RNF41: variants seen among roughly 807,000 people sequenced by gnomAD.
RNF41 encodes ring finger protein 41.
Under a neutral mutation model 33.0 loss-of-function variants are expected in RNF41, and 4 were observed. The ratio of observed to expected loss-of-function variants is 0.12; its 90% CI spans 0.06 to 0.28. The LOEUF is 0.28. Among genes scored for constraint, RNF41 ranks in the 10% least tolerant of loss-of-function variants. The pLI is 1.00. For synonymous variants in RNF41, 164 were observed against 153.2 expected (o/e 1.07, Z -0.52); for missense variants, 228 against 432.6 (o/e 0.53, Z 4.19).
chr12:56,217,978 G>C (rs1478829413), intron 1 of RNF41, among the ~76,000 whole-genome samples: 3 of 152,096 alleles, frequency 2.0e-5, no homozygotes, highest in Non-Finnish European at 4.4e-5. Context: ...TTTCGAGATA[G>C]AGTCTCGCTC....
intron 1 of RNF41, among the ~76,000 whole-genome samples, chr12:56,217,422 C>G (rs1386150469): frequency 6.6e-6 from 1 of 152,042 alleles, no homozygotes; most frequent in Non-Finnish European, 1.5e-5. Flanking sequence ...TGGCAGATGC[C>G]TGTAATCCCA....
At chr12:56,210,257 T>C in intron 4 of RNF41, 40 bp downstream of exon 4, 1 of 1,595,124 alleles carries the variant, frequency 6.3e-7, no homozygotes, top group Non-Finnish European at 8.6e-7. Context: ...ATAAATGAGA[T>C]GGCCCTTATC....
In RNF41 at chr12:56,210,240, CAG is replaced by C; in HGVS notation, c.362+55_362+56del. ...AGCTAGTGAGGAGGGCAGCCAGAGA[CAG>C]GGGCATAAATGAGATGGCCCTTATC... is the stretch of plus-strand genomic sequence containing the variant. On this transcript the variant is annotated intron_variant, in intron 4 of 6. Transcript: ENST00000345093. The C allele has an allele frequency of 4.4e-6, 7 of 1,578,250 alleles. No homozygotes were observed. The South Asian group carries it at 6.8e-5, about 15-fold the overall frequency.
chr12:56,209,155 G>A (rs554965912), intron 4 of RNF41, among the ~76,000 whole-genome samples: 4 of 152,136 alleles, frequency 2.6e-5, no homozygotes, highest in South Asian at 2.1e-4. Flanking sequence ...GTGAGCCACC[G>A]CACGGGGCCT....
At chr12:56,209,956 G>T in intron 4 of RNF41, 1 of 295,906 alleles carries the variant, frequency 3.4e-6, no homozygotes, top group East Asian at 6.9e-5. Context: ...AAAAAATAGG[G>T]CAAGAGGAAA....
intron 1 of RNF41, among the ~76,000 whole-genome samples, chr12:56,218,708 T>C (rs1382184446): frequency 1.3e-5 from 2 of 148,796 alleles, no homozygotes; most frequent in African/African-American, 4.9e-5. Flanking sequence ...TATATATATA[T>C]GTTATTTTTT....
chr12:56,215,459 G>A (rs1868808532), intron 2 of RNF41, among the ~76,000 whole-genome samples: 1 of 152,036 alleles, frequency 6.6e-6, no homozygotes, highest in Non-Finnish European at 1.5e-5. Flanking sequence ...GGTGGCTCAT[G>A]CCTGTAATCC....
At chr12:56,217,585 T>C (rs912812151) in intron 1 of RNF41, among the ~76,000 whole-genome samples, 4 of 152,146 alleles carry the variant, frequency 2.6e-5, no homozygotes, top group Non-Finnish European at 5.9e-5. Context: ...TAATACATTA[T>C]GTGTACAGGA....
At chr12:56,208,927 C>T (rs775582891) in intron 4 of RNF41, among the ~76,000 whole-genome samples, 5 of 136,374 alleles carry the variant, frequency 3.7e-5, no homozygotes, top group East Asian at 2.2e-4. Flanking sequence ...TGCAATGGCA[C>T]GGTCTCAGCT....
intron 3 of RNF41, among the ~76,000 whole-genome samples, chr12:56,211,917 A>T (rs916291599): frequency 3.3e-5 from 5 of 152,248 alleles, no homozygotes; most frequent in Middle Eastern, 3.4e-3. Flanking sequence ...GCTTGCAGTG[A>T]GCCAAGATCA....
chr12:56,206,882 C>T lies in RNF41; in HGVS notation c.603-84G>A. The T allele has an allele frequency of 9.6e-7, 1 of 1,038,762 alleles. No homozygotes were observed. Among genetic ancestry groups the T allele is most frequent in the Non-Finnish European group, 1.4e-6 (1 of 720,968 alleles). 64.3% of individuals were successfully genotyped at this position (1,038,762 alleles called of 1,614,324 possible). A position where few individuals can be genotyped will look rare whatever the true frequency, so the allele number is the denominator to read the frequency against. On this transcript the variant is annotated intron_variant, in intron 6 of 6. Coordinates refer to ENST00000345093, the MANE Select transcript of RNF41 (RefSeq NM_005785.4). The surrounding 1 kb of genome is among the most constrained non-coding windows in gnomAD (Gnocchi z 5.7). ...TTTTCTGCTAATAGAAATAACTACC[C>T]ACTCTGCACTCAGCTTACCTATTCT...
intron 3 of RNF41, among the ~76,000 whole-genome samples, chr12:56,212,086 G>A (rs1385217601): frequency 6.6e-6 from 1 of 152,214 alleles, no homozygotes; most frequent in African/African-American, 2.4e-5. Flanking sequence ...TTCAAGACCA[G>A]ACTGGCCAAC....
At position 56,202,864 on chromosome 12, in the gene RNF41, A is replaced by G. The variant is rs2135793660; in HGVS notation, c.*3583T>C. 1 of 152,334 alleles carries G rather than the reference A, an allele frequency of 6.6e-6. No individual in the cohort carries two copies. Among genetic ancestry groups the G allele is most frequent in the African/African-American group, 2.4e-5 (1 of 41,574 alleles). 9.4% of individuals were successfully genotyped at this position (152,334 alleles called of 1,614,324 possible). A position where few individuals can be genotyped will look rare whatever the true frequency, so the allele number is the denominator to read the frequency against. ...ATCGTATCTTCTGTAAAAGGACAAT[A>G]TGACACCATTCATAACATTCACAAG... On this transcript the variant is annotated 3_prime_UTR_variant, in exon 7 of 7. Transcript: ENST00000345093.
chr12:56,213,061 G>T (rs564297338), intron 3 of RNF41: 505 of 1,289,632 alleles, frequency 3.9e-4, no homozygotes, highest in Non-Finnish European at 4.0e-4. Flanking sequence ...GTCTGGCAAG[G>T]CTGGCAGAGA....
In RNF41 at chr12:56,210,310, C is replaced by G; in HGVS notation, c.349G>C (p.Glu117Gln). The G allele has an allele frequency of 6.2e-7, 1 of 1,613,362 alleles. No homozygotes were observed. The highest frequency in any genetic ancestry group is 8.5e-7 in the Non-Finnish European group (1 of 1,179,348). Residue 117 changes from glutamate to glutamine, a missense_variant, in exon 4 of 7, where the codon GAA becomes CAA. This residue lies in a region of RNF41 where 199 missense variants were observed against 334.6 expected (regional missense o/e 0.59). Coordinates refer to ENST00000345093, the MANE Select transcript of RNF41 (RefSeq NM_005785.4). ...AACAAATCTCACCCACAGCCCTGTT[C>G]ACAGGTCACAGGCCGCTTCGGGTTG... is the stretch of plus-strand genomic sequence containing the variant. ...EHNPKRPVTC[E>Q]QGCGLEMPKD...
At position 56,208,194 on chromosome 12, in the gene RNF41, G is replaced by A. The variant is rs764057481; in HGVS notation, c.467C>T (p.Ser156Leu). 5 of 1,614,092 alleles carry A rather than the reference G, an allele frequency of 3.1e-6. No homozygotes were observed. The African/African-American group carries it at 6.7e-5, about 22-fold the overall frequency. The stretch of plus-strand genomic sequence containing the variant: ...CGCCAGCTGGTGTTTGTGTTCAGCT[G>A]ACGTCTTCTCCAGCTCTGCGATGCG... Reference protein sequence around the residue: ...QTRIAELEKTSAEHKHQLAEQ... With the variant: ...QTRIAELEKTLAEHKHQLAEQ... The change falls in exon 5 of 7, where the codon TCA (serine) becomes TTA (leucine). Residue 156 changes from serine to leucine, a missense_variant. Physicochemically the swap from Ser to Leu is moderately radical, Grantham distance 145. This residue lies in a region of RNF41 where 199 missense variants were observed against 334.6 expected (regional missense o/e 0.59). Transcript: ENST00000345093.
At chr12:56,219,792 A>G (rs962193198) in intron 1 of RNF41, among the ~76,000 whole-genome samples, 1 of 151,648 alleles carries the variant, frequency 6.6e-6, no homozygotes, top group African/African-American at 2.4e-5. Flanking sequence ...AAGTGAGTGG[A>G]TCACCTGAGT....
At position 56,206,981 on chromosome 12, in the gene RNF41, G is replaced by A. The variant is rs1210630717; in HGVS notation, c.603-183C>T. On this transcript the variant is annotated intron_variant, in intron 6 of 6. Transcript: ENST00000345093. This position sits in a 1 kb window ranked among gnomAD's most constrained non-coding sequence, Gnocchi z 5.7. ...CTTGGTCCCAACTGAGTCACCACAT[G>A]TTACTCACCAGATTAAATTCCACAA... 6.6e-6 allele frequency among the ~76,000 whole-genome samples: 1 copy of A among 152,064 alleles called. No individual in the cohort carries two copies. Among genetic ancestry groups the A allele is most frequent in the Non-Finnish European group, 1.5e-5 (1 of 68,018 alleles).
intron 3 of RNF41, chr12:56,212,867 G>T: frequency 3.0e-6 from 2 of 672,052 alleles, no homozygotes; most frequent in Non-Finnish European, 2.3e-6. Flanking sequence ...TGGAAAATGT[G>T]ATAATCTCTA....
Sources: allele counts gnomAD v4.1 joint callset (sites outside exome capture counted in the v4.1 genomes callset), GRCh38; gene constraint gnomAD v4.1.1; regional missense constraint gnomAD v4.1.1; non-coding constraint Gnocchi (gnomAD v3.1); transcripts MANE v1.5; gene names NCBI Gene and HGNC (gene_info 2026-07-23, HGNC 2026-07-21).